RSBN1: variants seen among roughly 807,000 people sequenced by gnomAD.
RSBN1 encodes lysine-specific demethylase 9.
In RSBN1, 23 loss-of-function variants were observed where a neutral mutation model predicts 74.8. That is an observed-to-expected ratio of 0.31 (90% CI 0.22 to 0.44). The LOEUF (loss-of-function observed/expected upper bound fraction) is 0.44, where lower values mean the gene tolerates loss of function less well. Among genes scored for constraint, RSBN1 ranks in the 20% least tolerant of loss-of-function variants. RSBN1 has a pLI of 1.00. For synonymous variants in RSBN1, 407 were observed against 379.6 expected, an observed-to-expected ratio of 1.07 and a Z score of -0.84; for missense variants, 808 against 1,020.9, an observed-to-expected ratio of 0.79 and a Z score of 2.84.
At chr1:113,781,381 C>A (rs1175959832) in intron 2 of RSBN1, among the ~76,000 whole-genome samples, 4 of 152,190 alleles carry the variant, frequency 2.6e-5, no homozygotes, top group Non-Finnish European at 5.9e-5. Context: ...TCTTCACAAC[C>A]AAATTCAAGG....
intron 4 of RSBN1, among the ~76,000 whole-genome samples, chr1:113,772,193 C>T (rs1176529010): frequency 1.3e-5 from 2 of 151,786 alleles, no homozygotes; most frequent in African/African-American, 4.8e-5. Flanking sequence ...ATGAATTAAC[C>T]CCAGCAATGT....
chr1:113,766,089 TTAAG>T lies in RSBN1; in HGVS notation c.2296_2299del (p.Leu766IlefsTer14). On this transcript the variant is annotated frameshift_variant, in exon 7 of 7. Coordinates refer to ENST00000261441, the MANE Select transcript of RSBN1 (RefSeq NM_018364.5). LOFTEE classifies it high-confidence loss of function. The stretch of plus-strand genomic sequence containing the variant: ...CTGAGTCTTCTGATCTTGCTGTAGA[TTAAG>T]TTCTGATGCAGGTGGGAAAGATGAT... The T allele has an allele frequency of 6.2e-7, 1 of 1,614,074 alleles. No individual in the cohort carries two copies. The highest frequency in any genetic ancestry group is 8.5e-7 in the Non-Finnish European group (1 of 1,179,954).
chr1:113,777,620 G>A, intron 3 of RSBN1, 51 bp downstream of exon 3: 1 of 1,525,068 alleles, frequency 6.6e-7, no homozygotes, highest in South Asian at 1.3e-5. Flanking sequence ...AACATATAAA[G>A]TGCCCACTTA....
At chr1:113,802,783 G>A (rs1369727998) in intron 1 of RSBN1, among the ~76,000 whole-genome samples, 1 of 151,216 alleles carries the variant, frequency 6.6e-6, no homozygotes, top group Non-Finnish European at 1.5e-5. Flanking sequence ...CTGTCTCCCT[G>A]ATTATCATCA....
At chr1:113,793,600 T>G (rs1660412403) in intron 2 of RSBN1, among the ~76,000 whole-genome samples, 1 of 152,168 alleles carries the variant, frequency 6.6e-6, no homozygotes, top group African/African-American at 2.4e-5. Flanking sequence ...TCTCCTGCAT[T>G]AATGGGTTCA....
intron 4 of RSBN1, among the ~76,000 whole-genome samples, chr1:113,768,860 T>C (rs1659833353): frequency 6.6e-6 from 1 of 151,754 alleles, no homozygotes; most frequent in Non-Finnish European, 1.5e-5. Flanking sequence ...ATACTGACCA[T>C]TTGCATCCCT....
intron 1 of RSBN1, among the ~76,000 whole-genome samples, chr1:113,810,750 A>G (rs146468492): frequency 0.013 from 1,974 of 152,330 alleles, 17 homozygotes; most frequent in Middle Eastern, 0.02. Flanking sequence ...AGAAACAAGT[A>G]TTTCAAATAT....
At chr1:113,805,860 C>A (rs1660689843) in intron 1 of RSBN1, among the ~76,000 whole-genome samples, 1 of 152,182 alleles carries the variant, frequency 6.6e-6, no homozygotes, top group Non-Finnish European at 1.5e-5. Context: ...AAGAGCCGAA[C>A]AGCAGGCTTT....
chr1:113,798,135 T>C, intron 1 of RSBN1, 99 bp from the exon 2 acceptor site: 1 of 1,039,052 alleles, frequency 9.6e-7, no homozygotes, highest in East Asian at 2.4e-5. Context: ...ATCCTCAATT[T>C]CTCTGAATTT....
intron 1 of RSBN1, among the ~76,000 whole-genome samples, chr1:113,802,629 A>C (rs1355047106): frequency 6.6e-6 from 1 of 151,898 alleles, no homozygotes; most frequent in Non-Finnish European, 1.5e-5. Context: ...CTAGGTTTAA[A>C]TCCCTGTTCT....
At chr1:113,801,734 AC>A (rs1660588063) in intron 1 of RSBN1, among the ~76,000 whole-genome samples, 1 of 152,206 alleles carries the variant, frequency 6.6e-6, no homozygotes, top group Non-Finnish European at 1.5e-5. Context: ...CACCTATCCA[AC>A]TGTGTGATTA....
chr1:113,796,906 G>A (rs550542525), intron 2 of RSBN1, among the ~76,000 whole-genome samples: 11 of 152,296 alleles, frequency 7.2e-5, no homozygotes, highest in Non-Finnish European at 1.2e-4. Context: ...TCACATAAAT[G>A]GGGTATATTT....
At chr1:113,785,283 G>A (rs547659189) in intron 2 of RSBN1, among the ~76,000 whole-genome samples, 5 of 152,136 alleles carry the variant, frequency 3.3e-5, no homozygotes, top group East Asian at 1.9e-4. Context: ...TAACACTCAC[G>A]GAGCTATCAT....
At chr1:113,806,001 C>T (rs559717421) in intron 1 of RSBN1, among the ~76,000 whole-genome samples, 65 of 152,150 alleles carry the variant, frequency 4.3e-4, no homozygotes, top group Admixed American at 1.8e-3. Context: ...GTTTAAATTT[C>T]GTATGATTTC....
chr1:113,807,477 G>A (rs1194215354), intron 1 of RSBN1, among the ~76,000 whole-genome samples: 1 of 151,066 alleles, frequency 6.6e-6, no homozygotes, highest in Non-Finnish European at 1.5e-5. Context: ...TACAATTCAA[G>A]GGCCGGGCGC....
At chr1:113,777,379 T>C (rs374867421) in intron 3 of RSBN1, 27 bp from the exon 4 acceptor site, 3 of 1,581,410 alleles carry the variant, frequency 1.9e-6, no homozygotes, top group Non-Finnish European at 2.6e-6. Flanking sequence ...TTAGTCACAT[T>C]AAAAAATTGT....
Position 113,768,405 on chromosome 1 carries a change from T to C in RSBN1, c.1659-16A>G, listed in dbSNP as rs765971475. 5 of 1,560,066 alleles carry C rather than the reference T, an allele frequency of 3.2e-6. No homozygotes were observed. The highest frequency in any genetic ancestry group is 2.4e-5 in the South Asian group (2 of 84,012). ...ATTCATTGATCTAGAGTTGATTTGGTTGTTAAACAAAGGGTAAGCAAGGAA... is the reference window on the plus strand; with the variant it reads ...ATTCATTGATCTAGAGTTGATTTGGCTGTTAAACAAAGGGTAAGCAAGGAA... On this transcript the variant is annotated splice_polypyrimidine_tract_variant and intron_variant, in intron 4 of 6. Coordinates refer to ENST00000261441, the MANE Select transcript of RSBN1 (RefSeq NM_018364.5).
intron 2 of RSBN1, among the ~76,000 whole-genome samples, chr1:113,791,486 A>G (rs905003252): frequency 2.0e-5 from 3 of 152,192 alleles, no homozygotes; most frequent in African/African-American, 4.8e-5. Flanking sequence ...AAAAAGCACT[A>G]TGTGGAAAAC....
chr1:113,763,067 T>G lies in RSBN1; in HGVS notation c.*2913A>C, dbSNP rs964432241. 1 of 152,738 alleles carries G rather than the reference T, an allele frequency of 6.5e-6. No individual in the cohort carries two copies. The highest frequency in any genetic ancestry group is 2.4e-5 in the African/African-American group (1 of 41,450). The allele number at this position is 152,738 out of a possible 1,614,324, so 9.5% of individuals were successfully genotyped here. A position where few individuals can be genotyped will look rare whatever the true frequency, so the allele number is the denominator to read the frequency against. ...GAGGAGAGAACATACTATATAGGTT[T>G]TTATTATTATTGCTTTATGAATTTG... On this transcript the variant is annotated 3_prime_UTR_variant, in exon 7 of 7. Transcript: ENST00000261441.
Sources: allele counts gnomAD v4.1 joint callset (sites outside exome capture counted in the v4.1 genomes callset), GRCh38; gene constraint gnomAD v4.1.1; transcripts MANE v1.5; gene names NCBI Gene and HGNC (gene_info 2026-07-23, HGNC 2026-07-21).